Variants in CAPN8 observed in about 807,000 individuals in gnomAD.
The protein encoded by CAPN8 is calpain-8.
CAPN8 carries 87 observed loss-of-function variants against 80.9 expected under a neutral mutation model. That is an observed-to-expected ratio of 1.07 (90% CI 0.90 to 1.28). The LOEUF (loss-of-function observed/expected upper bound fraction) is 1.28, where lower values mean the gene tolerates loss of function less well. Among genes scored for constraint, CAPN8 ranks in the 50% most tolerant of loss-of-function variants. CAPN8 has a pLI of 0.00. For synonymous variants in CAPN8, 299 were observed against 273.8 expected, an observed-to-expected ratio of 1.09 and a Z score of -0.91; for missense variants, 757 against 702.0, an observed-to-expected ratio of 1.08 and a Z score of -0.89.
chr1:223,644,266 T>C, intron 2 of CAPN8: 1 of 304,002 alleles, frequency 3.3e-6, no homozygotes, highest in Non-Finnish European at 6.4e-6. Flanking sequence ...TATCCACATA[T>C]TCTCTGCTTA....
intron 2 of CAPN8, among the ~76,000 whole-genome samples, chr1:223,629,281 G>A (rs139392030): frequency 7.5e-4 from 113 of 151,090 alleles, no homozygotes; most frequent in African/African-American, 2.3e-3. Context: ...CTGGCTCTGC[G>A]TGGTCTGTTT....
intron 1 of CAPN8, among the ~76,000 whole-genome samples, chr1:223,658,140 G>T: frequency 6.6e-6 from 1 of 152,030 alleles, no homozygotes; most frequent in Non-Finnish European, 1.5e-5. Flanking sequence ...GACATCATTC[G>T]ACCTCATGGC....
chr1:223,548,911 G>C (rs895639865), intron 16 of CAPN8, among the ~76,000 whole-genome samples: 1 of 150,958 alleles, frequency 6.6e-6, no homozygotes, highest in African/African-American at 2.4e-5. Flanking sequence ...ATAGTGATGG[G>C]GAGAGCTTGG....
In CAPN8 at chr1:223,558,251, C is replaced by A. The variant is rs1289717883; in HGVS notation, c.1536-84G>T. ...CTGGGTTGTTTTAGGAAGATTTCGACCCTCCTGAGAGATTGGGCTCGCACC... is the reference window on the plus strand; with the variant it reads ...CTGGGTTGTTTTAGGAAGATTTCGAACCTCCTGAGAGATTGGGCTCGCACC... On this transcript the variant is annotated intron_variant, in intron 12 of 20. Transcript: ENST00000366872. 2.0e-5 allele frequency: 8 copies of A among 397,778 alleles called. No homozygotes were observed. In the Admixed American group the frequency reaches 3.5e-4, roughly 18 times the overall value. The allele number at this position is 397,778 out of a possible 1,614,324, so 24.6% of individuals were successfully genotyped here. A position where few individuals can be genotyped will look rare whatever the true frequency, so the allele number is the denominator to read the frequency against.
In CAPN8 at chr1:223,654,378, A is replaced by T; in HGVS notation, c.259T>A (p.Phe87Ile). 6.4e-7 allele frequency: 1 copy of T among 1,551,712 alleles called. No homozygotes were observed. Among genetic ancestry groups the T allele is most frequent in the Non-Finnish European group, 8.7e-7 (1 of 1,146,984 alleles). Reference sequence around the variant, plus strand: ...GTGCGCGTGGCTCCACCAACGATAAACTGAGGGCTGGGACACAACTCCTGA... The same window carrying T: ...GTGCGCGTGGCTCCACCAACGATAATCTGAGGGCTGGGACACAACTCCTGA... The part of the protein sequence containing the change: ...RPTELCPSPQ[F>I]IVGGATRTDI... The change falls in exon 2 of 21, where the codon TTT becomes ATT. Residue 87 changes from phenylalanine (F) to isoleucine (I), a missense_variant. By Grantham distance (21) the Phe-to-Ile change is conservative. Transcript: ENST00000366872.
intron 10 of CAPN8, among the ~76,000 whole-genome samples, chr1:223,615,012 C>T (rs192232092): frequency 1.2e-3 from 187 of 152,376 alleles, no homozygotes; most frequent in African/African-American, 4.2e-3. Flanking sequence ...CATGTGCACA[C>T]ATGCACATAT....
At chr1:223,622,552 C>T in intron 7 of CAPN8, 1 of 522,416 alleles carries the variant, frequency 1.9e-6, no homozygotes, top group South Asian at 2.4e-5. Context: ...AAAAACCTTT[C>T]AGCGCAAAGC....
chr1:223,656,681 G>GTTTTTTTTTTTTTTT (rs1216588980), intron 1 of CAPN8, among the ~76,000 whole-genome samples: 1 of 85,060 alleles, frequency 1.2e-5, no homozygotes, highest in African/African-American at 3.9e-5. Context: ...TTTTTGTTTT[G>GTTTTTTTTTTTTTTT]TTTTTTTTTT....
chr1:223,642,324 G>C (rs374547829), intron 2 of CAPN8, among the ~76,000 whole-genome samples: 6 of 152,196 alleles, frequency 3.9e-5, no homozygotes, highest in African/African-American at 1.4e-4. Context: ...ACTCATTTAT[G>C]GCAACTATAA....
At chr1:223,655,419 G>A (rs1309848864) in intron 1 of CAPN8, among the ~76,000 whole-genome samples, 1 of 152,108 alleles carries the variant, frequency 6.6e-6, no homozygotes, top group African/African-American at 2.4e-5. Flanking sequence ...TGCTTTCTTT[G>A]TTTACCCAGC....
At position 223,544,073 on chromosome 1, in the gene CAPN8, G is replaced by A; in HGVS notation, c.2023C>T (p.Leu675Phe). The change falls in exon 19 of 21, where the codon CTC becomes TTC. Residue 675 changes from leucine (L) to phenylalanine (F), a missense_variant. Leu to Phe is a conservative substitution (Grantham distance 22, BLOSUM62 0). Coordinates refer to ENST00000366872, the MANE Select transcript of CAPN8 (RefSeq NM_001143962.2). The stretch of plus-strand genomic sequence containing the variant: ...GGAGGACAGAGTGACTCACTGAAGA[G>A]GGTCTCCAGGCGGATCATACAAGCC... The part of the protein sequence containing the change: ...FVACMIRLET[L>F]FKLFSLLDED... The A allele has an allele frequency of 2.8e-6, 2 of 718,092 alleles. No individual in the cohort carries two copies. The highest frequency in any genetic ancestry group is 5.2e-6 in the Non-Finnish European group (2 of 385,102). 44.5% of individuals were successfully genotyped at this position (718,092 alleles called of 1,614,324 possible).
chr1:223,619,440 C>G lies in CAPN8; in HGVS notation c.988G>C (p.Asp330His). The G allele has an allele frequency of 6.4e-7, 1 of 1,551,606 alleles. No homozygotes were observed. The highest frequency in any genetic ancestry group is 8.7e-7 in the Non-Finnish European group (1 of 1,146,982). The change falls in exon 9 of 21, where the codon GAT becomes CAT. Residue 330 changes from aspartate (D) to histidine (H), a missense_variant. Physicochemically the swap from Asp to His is moderately conservative, Grantham distance 81. Transcript: ENST00000366872. ...EDGEFWMSLS[D>H]FVRQFSRLEI... The stretch of plus-strand genomic sequence containing the variant: ...AACCGAGAGAACTGCCTCACGAAAT[C>G]TGAAAGTGACATCCTGGGGCAGAGG...
chr1:223,557,195 C>T lies in CAPN8; in HGVS notation c.1572+936G>A, dbSNP rs914879252. Reference sequence around the variant, plus strand: ...AGGCAAGATGGATCCTTATTTGGCACCATCTCATGCATCAGCAGAAACACG... The same window carrying T: ...AGGCAAGATGGATCCTTATTTGGCATCATCTCATGCATCAGCAGAAACACG... On this transcript the variant is annotated intron_variant, in intron 13 of 20. Transcript: ENST00000366872. 3.9e-3 allele frequency among the ~76,000 whole-genome samples: 460 copies of T among 116,506 alleles called. 3 individuals carry two copies. Among genetic ancestry groups the T allele is most frequent in the African/African-American group, 0.014 (446 of 32,148 alleles). The allele number at this position is 116,506 out of a possible 152,430, so 76.4% of individuals were successfully genotyped here.
intron 1 of CAPN8, among the ~76,000 whole-genome samples, chr1:223,661,923 A>G (rs887930114): frequency 3.9e-5 from 6 of 152,206 alleles, no homozygotes; most frequent in African/African-American, 1.4e-4. Context: ...ACCCAAGACC[A>G]ACAATGGACA....
At chr1:223,628,598 G>C (rs1428197186) in intron 3 of CAPN8, 64 bp downstream of exon 3, 1 of 1,275,472 alleles carries the variant, frequency 7.8e-7, no homozygotes, top group Non-Finnish European at 1.1e-6. Context: ...CTGACGCAGT[G>C]GACCTGCAGT....
intron 2 of CAPN8, among the ~76,000 whole-genome samples, chr1:223,641,266 C>T (rs1284013229): frequency 6.6e-6 from 1 of 151,782 alleles, no homozygotes; most frequent in East Asian, 1.9e-4. Context: ...CGCAAAACTG[C>T]AACTATTACA....
At chr1:223,664,325 T>C (rs892962035) in intron 1 of CAPN8, among the ~76,000 whole-genome samples, 3 of 152,188 alleles carry the variant, frequency 2.0e-5, no homozygotes, top group Admixed American at 6.5e-5. Context: ...AGCAATGATG[T>C]TGTCACAATT....
chr1:223,660,896 A>G (rs10753413), intron 1 of CAPN8, among the ~76,000 whole-genome samples: 87,611 of 152,140 alleles, frequency 0.58, 25,810 homozygotes, highest in East Asian at 0.7. Context: ...GCTGGGCACA[A>G]TAGCTCACAC....
At chr1:223,654,451 G>T in intron 1 of CAPN8, 52 bp from the exon 2 acceptor site, 1 of 1,488,154 alleles carries the variant, frequency 6.7e-7, no homozygotes, top group East Asian at 2.5e-5. Flanking sequence ...AGTGATGGCA[G>T]CAGCCTGGGG....
Sources: allele counts gnomAD v4.1 joint callset (sites outside exome capture counted in the v4.1 genomes callset), GRCh38; gene constraint gnomAD v4.1.1; transcripts MANE v1.5; gene names NCBI Gene and HGNC (gene_info 2026-07-23, HGNC 2026-07-21).